The following SAMD11 variants were observed in gnomAD, a reference collection of about 807,000 sequenced individuals.
SAMD11 encodes the protein sterile alpha motif domain containing 11.
A neutral mutation model predicts 64.4 loss-of-function variants in SAMD11; 77 were observed. The observed-to-expected ratio is 1.20, with a 90% CI of 0.99 to 1.44. The LOEUF is 1.44. Among genes scored for constraint, SAMD11 ranks in the 40% most tolerant of loss-of-function variants. The pLI is 0.00. For missense variants in SAMD11, 1,402 were observed against 943.3 expected (o/e 1.49, Z -6.37); for synonymous variants, 658 against 421.9 (o/e 1.56, Z -6.86).
intron 4 of SAMD11, among the ~76,000 whole-genome samples, chr1:932,210 C>T (rs1050725065): frequency 2.0e-5 from 3 of 152,212 alleles, no homozygotes; most frequent in East Asian, 3.8e-4. Context: ...TTACATGGGA[C>T]ACTACAGAAT....
At chr1:940,660 CCCCT>C (rs1641708380) in intron 7 of SAMD11, among the ~76,000 whole-genome samples, 1 of 152,098 alleles carries the variant, frequency 6.6e-6, no homozygotes, top group African/African-American at 2.4e-5. Flanking sequence ...GACTGGGCGA[CCCCT>C]GTGCTAGTGT....
intron 4 of SAMD11, among the ~76,000 whole-genome samples, chr1:935,387 C>T (rs1395906055): frequency 1.3e-5 from 2 of 152,170 alleles, no homozygotes; most frequent in Non-Finnish European, 2.9e-5. Flanking sequence ...GGGGCCTGTC[C>T]TGCAGGACTG....
At chr1:927,190 G>T (rs567590803) in intron 2 of SAMD11, among the ~76,000 whole-genome samples, 2 of 152,158 alleles carry the variant, frequency 1.3e-5, no homozygotes, top group Non-Finnish European at 2.9e-5. Context: ...GCAGACAGCC[G>T]GCAGCCCCCT....
intron 3 of SAMD11, among the ~76,000 whole-genome samples, chr1:930,656 G>A (rs2100308190): frequency 6.6e-6 from 1 of 152,372 alleles, no homozygotes; most frequent in Non-Finnish European, 1.5e-5. Flanking sequence ...CCAGAGAGCA[G>A]CTCTAGCAAC....
In SAMD11 at chr1:944,549, T is replaced by C. The variant is rs1353790297; in HGVS notation, c.*396T>C. On this transcript the variant is annotated 3_prime_UTR_variant, in exon 14 of 14. Transcript: ENST00000616016. ...AGCTCTCGATACGTTTGGTCTTTCA[T>C]GCTGAAAAATAAATAATAAAGCCTG... 3.2e-6 allele frequency: 2 copies of C among 629,296 alleles called. No individual in the cohort carries two copies. The highest frequency in any genetic ancestry group is 2.9e-5 in the East Asian group (1 of 34,304). 39.0% of individuals were successfully genotyped at this position (629,296 alleles called of 1,614,324 possible). A position where few individuals can be genotyped will look rare whatever the true frequency, so the allele number is the denominator to read the frequency against.
chr1:928,126 G>T (rs1228610478), intron 2 of SAMD11, among the ~76,000 whole-genome samples: 3 of 152,202 alleles, frequency 2.0e-5, no homozygotes, highest in South Asian at 2.1e-4. Flanking sequence ...GGGTGTGGTG[G>T]CGCATGCCTG....
intron 4 of SAMD11, among the ~76,000 whole-genome samples, chr1:932,567 C>T (rs1043824907): frequency 1.3e-5 from 2 of 152,074 alleles, no homozygotes; most frequent in East Asian, 1.9e-4. Context: ...CCGGTCAGAG[C>T]GGGTGGTGGT....
intron 5 of SAMD11, among the ~76,000 whole-genome samples, chr1:936,487 C>T (rs755280345): frequency 6.6e-6 from 1 of 152,040 alleles, no homozygotes; most frequent in Non-Finnish European, 1.5e-5. Flanking sequence ...GGGAAGGGAT[C>T]CGGCGCCTGA....
intron 4 of SAMD11, among the ~76,000 whole-genome samples, chr1:932,181 A>G (rs1641197244): frequency 6.6e-6 from 1 of 152,228 alleles, no homozygotes; most frequent in African/African-American, 2.4e-5. Context: ...ATGAACACTG[A>G]TGACATTTTA....
rs1641106469 is a variant in SAMD11 at position 930,224 on chromosome 1, A to ATTCTT, written c.679_680insTTCTT (p.Thr227IlefsTer26). The ATTCTT allele has an allele frequency of 6.3e-7, 1 of 1,590,550 alleles. No individual in the cohort carries two copies. Among genetic ancestry groups the ATTCTT allele is most frequent in the Non-Finnish European group, 8.6e-7 (1 of 1,169,008 alleles). Reference sequence around the variant, plus strand: ...CGCCCGGAACCTGAAGAAGGAGCGAACTCCCAGCTTCTCTGCCAGCGATGG... The same window carrying ATTCTT: ...CGCCCGGAACCTGAAGAAGGAGCGAATTCTTCTCCCAGCTTCTCTGCCAGCGATGG... On this transcript the variant is annotated frameshift_variant, in exon 3 of 14. Coordinates refer to ENST00000616016, the MANE Select transcript of SAMD11 (RefSeq NM_001385641.1). LOFTEE classifies it high-confidence loss of function.
At position 925,933 on chromosome 1, in the gene SAMD11, A is replaced by T. The variant is rs1409697303; in HGVS notation, c.529A>T (p.Lys177Ter). The T allele has an allele frequency of 6.2e-7, 1 of 1,611,222 alleles. No individual in the cohort carries two copies. Among genetic ancestry groups the T allele is most frequent in the Non-Finnish European group, 8.5e-7 (1 of 1,179,626 alleles). ...RSIRHKGKSLKTLMSKGILQV... is the reference protein window; with the variant it reads ...RSIRHKGKSL ...GGCTCTGCTCGCAGGGAAAAGTCTG[A>T]AGACGCTTATGTCCAAGGGGATCCT... Residue 177 changes from lysine (K) to a stop codon, truncating the protein, a stop_gained, in exon 2 of 14, where the codon AAG becomes TAG. Coordinates refer to ENST00000616016, the MANE Select transcript of SAMD11 (RefSeq NM_001385641.1). LOFTEE classifies it high-confidence loss of function.
chr1:930,299 C>T lies in SAMD11; in HGVS notation c.754C>T (p.Gln252Ter). The change falls in exon 3 of 14, where the codon CAG becomes TAG. Residue 252 changes from glutamine to a stop codon, truncating the protein, a stop_gained. Transcript: ENST00000616016. LOFTEE classifies it high-confidence loss of function. ...CTGTGGGCGGCGGCCAGGCTTGAAG[C>T]AGGAGGATGGTCCGCACATCCGTAT... ...PTCGRRPGLK[Q>*]EDGPHIRIMK... 1 of 1,608,620 alleles carries T rather than the reference C, an allele frequency of 6.2e-7. No homozygotes were observed. The highest frequency in any genetic ancestry group is 8.5e-7 in the Non-Finnish European group (1 of 1,177,982).
chr1:938,693 C>G (rs28450942), intron 5 of SAMD11, among the ~76,000 whole-genome samples: 3,845 of 152,248 alleles, frequency 0.025, 158 homozygotes, highest in East Asian at 0.11. Context: ...GGTGCCTGGT[C>G]AAACCAAAAG....
rs767059311 is a variant in SAMD11 at position 942,975 on chromosome 1, C to G, written c.1970C>G (p.Ala657Gly). 2.0e-6 allele frequency: 3 copies of G among 1,535,700 alleles called. No individual in the cohort carries two copies. The highest frequency in any genetic ancestry group is 2.6e-6 in the Non-Finnish European group (3 of 1,143,006). The change falls in exon 11 of 14, where the codon GCC (alanine) becomes GGC (glycine). Residue 657 changes from alanine to glycine, a missense_variant. Transcript: ENST00000616016. ...PTPGQAPAGG[A>G]GAEGKGLFPG... is the part of the protein sequence containing the mutation. ...CCGGGCCAAGCTCCAGCTGGAGGGG[C>G]CGGCGCCGAGGGGAAGGGGCTTTTC...
intron 4 of SAMD11, among the ~76,000 whole-genome samples, chr1:933,381 C>G (rs1331140842): frequency 1.3e-5 from 2 of 152,162 alleles, no homozygotes; most frequent in Non-Finnish European, 2.9e-5. Context: ...CAGGTGGCAC[C>G]CAGCTCCCCA....
At chr1:941,389 A>C in intron 8 of SAMD11, 83 bp downstream of exon 8, 1 of 1,320,868 alleles carries the variant, frequency 7.6e-7, no homozygotes, top group Non-Finnish European at 1.0e-6. Context: ...ACGCGCCCCG[A>C]GAGTGCCAAG....
rs1641877269 is a variant in SAMD11 at position 942,910 on chromosome 1, G to C, written c.1905G>C (p.Glu635Asp). The change falls in exon 11 of 14, where the codon GAG becomes GAC. Residue 635 changes from glutamate (E) to aspartate (D), a missense_variant. By Grantham distance (45) the Glu-to-Asp change is conservative. Coordinates refer to ENST00000616016, the MANE Select transcript of SAMD11 (RefSeq NM_001385641.1). ...AGCCCCCCAAAGACTCGGACGGAGA[G>C]GACCCCGAGACGGCAGCTGTTGGGT... ...EDEPPKDSDGEDPETAAVGCR... is the reference protein window; with the variant it reads ...EDEPPKDSDGDDPETAAVGCR... 1.3e-6 allele frequency: 2 copies of C among 1,556,030 alleles called. No homozygotes were observed. Among genetic ancestry groups the C allele is most frequent in the South Asian group, 1.2e-5 (1 of 84,600 alleles).
At chr1:939,248 C>T (rs1641618893) in intron 6 of SAMD11, 27 bp from the exon 7 acceptor site, 2 of 1,571,494 alleles carry the variant, frequency 1.3e-6, no homozygotes, top group African/African-American at 2.7e-5. Flanking sequence ...CCTGGAGAAA[C>T]CTCTCACCCC....
chr1:937,928 G>C (rs1445735311), intron 5 of SAMD11, among the ~76,000 whole-genome samples: 1 of 152,250 alleles, frequency 6.6e-6, no homozygotes, highest in Admixed American at 6.5e-5. Context: ...AAAGGAATTA[G>C]GCCTGGAGCT....
Sources: gnomAD v4.1 joint callset for allele counts (sites outside exome capture counted in the v4.1 genomes callset) on GRCh38, gnomAD v4.1.1 for gene constraint, MANE v1.5 for transcripts, NCBI Gene and HGNC (gene_info 2026-07-23, HGNC 2026-07-21) for gene names.